The following PCDHGA1 variants were observed in gnomAD, a reference collection of about 807,000 sequenced individuals.
The protein encoded by PCDHGA1 is protocadherin gamma subfamily A, 1, also known as protocadherin gamma-A1.
A neutral mutation model predicts 58.0 loss-of-function variants in PCDHGA1; 32 were observed. The observed-to-expected ratio is 0.55, with a 90% CI of 0.42 to 0.74. The LOEUF (loss-of-function observed/expected upper bound fraction) is 0.74, where lower values mean the gene tolerates loss of function less well. PCDHGA1 is among the 30% of genes least tolerant of loss of function. The probability of loss-of-function intolerance (pLI) is 0.00; values close to 1 mark genes in which losing one functional copy is unlikely to be tolerated. For missense variants in PCDHGA1, 1,205 were observed against 1,182.3 expected (o/e 1.02, Z -0.28); for synonymous variants, 498 against 501.1 (o/e 0.99, Z 0.08).
At position 141,356,713 on chromosome 5, in the gene PCDHGA1, G is replaced by A. The variant is rs746566965; in HGVS notation, c.2421+23608G>A. On this transcript the variant is annotated intron_variant, in intron 1 of 3. Transcript: ENST00000517417. ...CCAGGGTGCACCTCTGTCCTCCTAT[G>A]TCTCCATCAACTCCAATACAGGGAT... 3 of 1,613,846 alleles carry A rather than the reference G, an allele frequency of 1.9e-6. No individual in the cohort carries two copies. The African/African-American group carries it at 4.0e-5, about 22-fold the overall frequency.
chr5:141,355,900 G>T, intron 1 of PCDHGA1: 1 of 1,613,626 alleles, frequency 6.2e-7, no homozygotes, highest in East Asian at 2.2e-5. Flanking sequence ...AATACTTGTG[G>T]ATACCAACGA....
Position 141,340,450 on chromosome 5 carries a change from G to A in PCDHGA1, c.2421+7345G>A. The A allele has an allele frequency of 1.9e-6, 3 of 1,614,200 alleles. 1 individual carries two copies. In the South Asian group the frequency reaches 3.3e-5, roughly 18 times the overall value. On this transcript the variant is annotated intron_variant, in intron 1 of 3. Coordinates refer to ENST00000517417, the MANE Select transcript of PCDHGA1 (RefSeq NM_018912.3). ...CTCATGTAACTTACTCTTTCGCGGAGGACACTGTTCAGGGGGCACCCTTAT... is the reference window on the plus strand; with the variant it reads ...CTCATGTAACTTACTCTTTCGCGGAAGACACTGTTCAGGGGGCACCCTTAT...
At chr5:141,470,016 C>G (rs116065751) in intron 1 of PCDHGA1, among the ~76,000 whole-genome samples, 1 of 152,146 alleles carries the variant, frequency 6.6e-6, no homozygotes, top group Non-Finnish European at 1.5e-5. Context: ...GTAATCCCAG[C>G]TACTCGGGAT....
In PCDHGA1 at chr5:141,344,126, C is replaced by A. The variant is rs768485525; in HGVS notation, c.2421+11021C>A. The A allele has an allele frequency of 1.9e-6, 3 of 1,613,878 alleles. No individual in the cohort carries two copies. In the African/African-American group the frequency reaches 4.0e-5, roughly 22 times the overall value. On this transcript the variant is annotated intron_variant, in intron 1 of 3. Transcript: ENST00000517417. ...TGTGCGAAACAGGATCCGGTCAGAT[C>A]CGCTACTCGGTGTCTGAGGAGCTAG...
intron 1 of PCDHGA1, among the ~76,000 whole-genome samples, chr5:141,425,105 G>C (rs1227234896): frequency 2.0e-5 from 3 of 152,236 alleles, no homozygotes; most frequent in African/African-American, 7.2e-5. Flanking sequence ...TCCAACAGAT[G>C]CCTACATTTT....
At chr5:141,457,111 G>T (rs922281700) in intron 1 of PCDHGA1, among the ~76,000 whole-genome samples, 1 of 152,120 alleles carries the variant, frequency 6.6e-6, no homozygotes, top group African/African-American at 2.4e-5. Context: ...AGCAAAATAC[G>T]ACAGCAATGG....
rs1265360670 is a variant in PCDHGA1, at chr5:141,435,001, T to A, written c.2422-59806T>A. On this transcript the variant is annotated intron_variant, in intron 1 of 3. Transcript: ENST00000517417. ...TACTCTATATCATTTTCTAGCTGAATTTATCAATGATAATGCTCTTTTCCC... is the reference window on the plus strand; with the variant it reads ...TACTCTATATCATTTTCTAGCTGAAATTATCAATGATAATGCTCTTTTCCC... Among the ~76,000 whole-genome samples the A allele has an allele frequency of 3.9e-5, 6 of 152,120 alleles. No homozygotes were observed. In the East Asian group the frequency reaches 1.2e-3, roughly 29 times the overall value.
At chr5:141,508,440 T>C (rs2099868879) in intron 3 of PCDHGA1, among the ~76,000 whole-genome samples, 1 of 152,186 alleles carries the variant, frequency 6.6e-6, no homozygotes, top group African/African-American at 2.4e-5. Context: ...CACAGTTCCT[T>C]AGTGGCAGAG....
At chr5:141,376,660 T>G in intron 1 of PCDHGA1, 2 of 886,650 alleles carry the variant, frequency 2.3e-6, no homozygotes, top group South Asian at 3.6e-5. Flanking sequence ...GACTCCCTTG[T>G]TCAGGTGAGG....
chr5:141,414,850 C>T, intron 1 of PCDHGA1: 1 of 1,614,212 alleles, frequency 6.2e-7, no homozygotes, highest in Non-Finnish European at 8.5e-7. Flanking sequence ...TGTGCTGGAC[C>T]AGAACGACAA....
intron 1 of PCDHGA1, among the ~76,000 whole-genome samples, chr5:141,474,651 C>T (rs2099352565): frequency 6.6e-6 from 1 of 152,178 alleles, no homozygotes; most frequent in South Asian, 2.1e-4. Flanking sequence ...ATCCTTACTT[C>T]TTTTCTACCT....
chr5:141,474,908 T>C (rs1016814167), intron 1 of PCDHGA1, among the ~76,000 whole-genome samples: 7 of 152,242 alleles, frequency 4.6e-5, no homozygotes, highest in African/African-American at 1.4e-4. Flanking sequence ...TGTTCAAGGA[T>C]ATACATCTCA....
intron 1 of PCDHGA1, chr5:141,355,301 C>A (rs1426106263): frequency 2.5e-6 from 4 of 1,613,904 alleles, no homozygotes; most frequent in Middle Eastern, 1.7e-4. Context: ...ATTCTCTACT[C>A]GGTGTTTGAG....
At chr5:141,404,897 C>A in intron 1 of PCDHGA1, 1 of 1,613,920 alleles carries the variant, frequency 6.2e-7, no homozygotes, top group African/African-American at 1.3e-5. Context: ...TGTACAGGAC[C>A]ATGGCCAGCC....
chr5:141,482,016 C>T (rs2099550411), intron 1 of PCDHGA1, among the ~76,000 whole-genome samples: 1 of 148,596 alleles, frequency 6.7e-6, no homozygotes, highest in African/African-American at 2.5e-5. Context: ...TCTCAGGAAG[C>T]AGAGGTTGCA....
Position 141,486,989 on chromosome 5 carries a change from G to A in PCDHGA1, c.2422-7818G>A. 1.9e-6 allele frequency: 3 copies of A among 1,614,168 alleles called. No individual in the cohort carries two copies. Among genetic ancestry groups the A allele is most frequent in the Non-Finnish European group, 2.5e-6 (3 of 1,180,034 alleles). On this transcript the variant is annotated intron_variant, in intron 1 of 3. Transcript: ENST00000517417. This position sits in a 1 kb window ranked among gnomAD's most constrained non-coding sequence, Gnocchi z 5.0. ...CTTGGATTCAGGTTACAATGCTTGG[G>A]TTTCCTATCAGCTCCTGGAGGCCCC...
intron 1 of PCDHGA1, chr5:141,475,820 C>G (rs890721743): frequency 1.1e-5 from 4 of 351,810 alleles, no homozygotes; most frequent in Non-Finnish European, 1.5e-5. Context: ...AAGTTCCTGG[C>G]GCTAGCGCGT....
chr5:141,384,934 G>A (rs750109041), intron 1 of PCDHGA1: 1 of 1,614,050 alleles, frequency 6.2e-7, no homozygotes, highest in Admixed American at 1.7e-5. Flanking sequence ...GGGCAGCCTT[G>A]AGCCCTCCGA....
intron 1 of PCDHGA1, chr5:141,374,129 C>A: frequency 6.2e-7 from 1 of 1,603,566 alleles, no homozygotes; most frequent in South Asian, 1.1e-5. Flanking sequence ...GCAGGTCCTG[C>A]TCCTCACGCT....
Sources: allele counts gnomAD v4.1 joint callset (sites outside exome capture counted in the v4.1 genomes callset), GRCh38; gene constraint gnomAD v4.1.1; non-coding constraint Gnocchi (gnomAD v3.1); transcripts MANE v1.5; gene names NCBI Gene and HGNC (gene_info 2026-07-23, HGNC 2026-07-21).